The following GCFC2 variants were observed in gnomAD, a reference collection of about 807,000 sequenced individuals.
GCFC2 encodes the protein GC-rich sequence DNA-binding factor 2, also known as intron Large complex component GCFC2.
GCFC2 carries 102 observed loss-of-function variants against 99.4 expected under a neutral mutation model. The observed-to-expected ratio is 1.03, with a 90% CI of 0.87 to 1.21. The LOEUF is 1.21. GCFC2 is among the 50% of genes most tolerant of loss of function. GCFC2 has a pLI of 0.00. For missense variants in GCFC2, 973 were observed against 920.9 expected, an observed-to-expected ratio of 1.06 and a Z score of -0.73; for synonymous variants, 338 against 316.8, an observed-to-expected ratio of 1.07 and a Z score of -0.71.
rs191095173 is a variant in GCFC2, at chr2:75,691,977, G to A, written c.1144C>T (p.Arg382Cys). The change falls in exon 7 of 17, where the codon CGC becomes TGC. Residue 382 changes from arginine to cysteine, a missense_variant and splice_region_variant. Transcript: ENST00000321027. ...TGTATGGAACACGAAAAACACTAAC[G>A]TGATAACTGTTGTAAATACGTTGAT... is the stretch of plus-strand genomic sequence containing the variant. Reference protein sequence around the residue: ...HESTYLQQLSRKDETSTSGNF... With the variant: ...HESTYLQQLSCKDETSTSGNF... 9 of 1,492,590 alleles carry A rather than the reference G, an allele frequency of 6.0e-6. No homozygotes were observed. Among genetic ancestry groups the A allele is most frequent in the Admixed American group, 3.9e-5 (2 of 51,740 alleles). 92.5% of individuals were successfully genotyped at this position (1,492,590 alleles called of 1,614,324 possible). A position where few individuals can be genotyped will look rare whatever the true frequency, so the allele number is the denominator to read the frequency against.
intron 2 of GCFC2, among the ~76,000 whole-genome samples, chr2:75,703,576 T>C (rs922810336): frequency 3.0e-4 from 45 of 152,214 alleles, no homozygotes; most frequent in African/African-American, 1.1e-3. Context: ...TGCTTTTTTA[T>C]AGATTAGTAA....
intron 16 of GCFC2, among the ~76,000 whole-genome samples, chr2:75,665,702 CCT>C (rs1678807091): frequency 6.6e-6 from 1 of 152,000 alleles, no homozygotes; most frequent in Non-Finnish European, 1.5e-5. Context: ...TCTATATTCC[CCT>C]GTGCTATAGT....
chr2:75,710,898 G>C lies in GCFC2; in HGVS notation c.-43C>G. 6 of 1,470,680 alleles carry C rather than the reference G, an allele frequency of 4.1e-6. No homozygotes were observed. Among genetic ancestry groups the C allele is most frequent in the Non-Finnish European group, 4.5e-6 (5 of 1,118,494 alleles). 91.1% of individuals were successfully genotyped at this position (1,470,680 alleles called of 1,614,324 possible). A position where few individuals can be genotyped will look rare whatever the true frequency, so the allele number is the denominator to read the frequency against. ...CCGGCGCCCTAGAACCCGCTGAACCGCAAGCCGCAGCTTCAGTGCCCGCCC... is the reference window on the plus strand; with the variant it reads ...CCGGCGCCCTAGAACCCGCTGAACCCCAAGCCGCAGCTTCAGTGCCCGCCC... On this transcript the variant is annotated 5_prime_UTR_variant, in exon 1 of 17. Transcript: ENST00000321027.
chr2:75,687,756 T>C (rs1047247802), intron 11 of GCFC2, 71 bp downstream of exon 11: 23 of 1,165,522 alleles, frequency 2.0e-5, no homozygotes, highest in South Asian at 2.7e-5. Flanking sequence ...TTTGTGAATA[T>C]AACAGAAATT....
upstream of GCFC2, chr2:75,711,124 C>G (rs1178026589): frequency 1.6e-6 from 2 of 1,253,334 alleles, no homozygotes; most frequent in Admixed American, 8.8e-5. Context: ...GAGATTTTCA[C>G]GGCCTATCCG....
intron 11 of GCFC2, among the ~76,000 whole-genome samples, chr2:75,681,219 A>G (rs1485554513): frequency 6.6e-6 from 1 of 152,102 alleles, no homozygotes; most frequent in Non-Finnish European, 1.5e-5. Context: ...TGCATTTCCA[A>G]CTGAGGTACC....
chr2:75,665,956 G>A lies in GCFC2; in HGVS notation c.2201C>T (p.Ala734Val). 6.3e-7 allele frequency: 1 copy of A among 1,594,120 alleles called. No homozygotes were observed. ...ENFIQFLLQS[A>V]HKLSRSEFRD... ...GAATTCACTTCTAGATAATTTATGT[G>A]CAGACTGCAATAAAAACTGAATGAA... Residue 734 changes from alanine (A) to valine (V), a missense_variant, in exon 16 of 17, where the codon GCA becomes GTA. Physicochemically the swap from Ala to Val is moderately conservative, Grantham distance 64 (BLOSUM62 0). Transcript: ENST00000321027.
intron 11 of GCFC2, 103 bp downstream of exon 11, chr2:75,687,724 G>T: frequency 1.1e-6 from 1 of 900,724 alleles, no homozygotes; most frequent in Non-Finnish European, 1.8e-6. Context: ...ATTTCCTTGA[G>T]ATTAAAAACT....
intron 12 of GCFC2, among the ~76,000 whole-genome samples, chr2:75,674,493 T>C (rs891719428): frequency 6.6e-6 from 1 of 152,084 alleles, no homozygotes; most frequent in African/African-American, 2.4e-5. Context: ...CTATTAGGAT[T>C]ATAACTTTGA....
upstream of GCFC2, among the ~76,000 whole-genome samples, chr2:75,712,635 C>T (rs1681235439): frequency 6.6e-6 from 1 of 152,152 alleles, no homozygotes; most frequent in African/African-American, 2.4e-5. Context: ...AATCTTGCTA[C>T]TGCTGACTCT....
At chr2:75,670,744 A>T (rs1380366134) in intron 14 of GCFC2, 1 of 153,532 alleles carries the variant, frequency 6.5e-6, no homozygotes, top group Non-Finnish European at 1.5e-5. Flanking sequence ...GTTTGAAGAT[A>T]ACTTGGATTA....
chr2:75,700,470 A>G (rs1381194527), intron 4 of GCFC2, among the ~76,000 whole-genome samples: 1 of 152,140 alleles, frequency 6.6e-6, no homozygotes, highest in Non-Finnish European at 1.5e-5. Flanking sequence ...GTGTAGTCGA[A>G]GTAGATATAC....
intron 12 of GCFC2, among the ~76,000 whole-genome samples, chr2:75,677,038 G>A (rs879484592): frequency 6.6e-6 from 1 of 152,038 alleles, no homozygotes; most frequent in African/African-American, 2.4e-5. Context: ...TATTTTTTAG[G>A]TTTACTTAAG....
chr2:75,712,652 C>G (rs1305600963), upstream of GCFC2, among the ~76,000 whole-genome samples: 6 of 152,078 alleles, frequency 3.9e-5, no homozygotes, highest in Non-Finnish European at 7.4e-5. Context: ...CTCTTTGGGT[C>G]CACGTGGCTT....
chr2:75,670,336 A>C, intron 14 of GCFC2, 52 bp from the exon 15 acceptor site: 2 of 1,247,488 alleles, frequency 1.6e-6, no homozygotes, highest in Non-Finnish European at 2.3e-6. Context: ...GAGAAACTGT[A>C]ATAGTCTCTA....
In GCFC2 at chr2:75,710,388, C is replaced by A. The variant is rs962838399; in HGVS notation, c.265+203G>T. ...GATTGTTTTATTTCCCCCAAGGAGT[C>A]CAAAAGGCAGATGCAGATAGCGGGC... On this transcript the variant is annotated intron_variant, in intron 1 of 16. Coordinates refer to ENST00000321027, the MANE Select transcript of GCFC2 (RefSeq NM_003203.5). The A allele has an allele frequency of 2.4e-5, 31 of 1,273,414 alleles. No individual in the cohort carries two copies. In the African/African-American group the frequency reaches 2.8e-4, roughly 12 times the overall value. The allele number at this position is 1,273,414 out of a possible 1,614,324, so 78.9% of individuals were successfully genotyped here.
In GCFC2 at chr2:75,673,286, C is replaced by CT. The variant is rs1679200986; in HGVS notation, c.1889+157_1889+158insA. On this transcript the variant is annotated intron_variant, in intron 13 of 16. Coordinates refer to ENST00000321027, the MANE Select transcript of GCFC2 (RefSeq NM_003203.5). ...TCGCGCCACTGCACTCCAGCCTGGG[C>CT]GACAGAGTGAGACTCAGTCTCAAAA... is the stretch of plus-strand genomic sequence containing the variant. Among the ~76,000 whole-genome samples, 15 of 149,594 alleles carry CT rather than the reference C, an allele frequency of 1.0e-4. No individual in the cohort carries two copies. In the South Asian group the frequency reaches 3.2e-3, roughly 32 times the overall value.
rs1224064262 is a variant in GCFC2, at chr2:75,664,231, GC to G, written c.*434del. 1 of 152,476 alleles carries G rather than the reference GC, an allele frequency of 6.6e-6. No individual in the cohort carries two copies. The highest frequency in any genetic ancestry group is 6.5e-5 in the Admixed American group (1 of 15,298). 9.4% of individuals were successfully genotyped at this position (152,476 alleles called of 1,614,324 possible). On this transcript the variant is annotated 3_prime_UTR_variant, in exon 17 of 17. Transcript: ENST00000321027. ...ACATGCCTTAATCATTTAATACTTA[GC>G]AAATAATTCACTCCAACTGAGATTT... is the stretch of plus-strand genomic sequence containing the variant.
chr2:75,670,026 A>C (rs980057047), intron 15 of GCFC2, 112 bp downstream of exon 15: 2 of 656,480 alleles, frequency 3.0e-6, no homozygotes, highest in Non-Finnish European at 5.1e-6. Flanking sequence ...TGCCTGGCCC[A>C]TTTGTCTATA....
Sources: allele counts gnomAD v4.1 joint callset (sites outside exome capture counted in the v4.1 genomes callset), GRCh38; gene constraint gnomAD v4.1.1; transcripts MANE v1.5; gene names NCBI Gene and HGNC (gene_info 2026-07-23, HGNC 2026-07-21).